ST7: variants seen among roughly 807,000 people sequenced by gnomAD.
ST7 encodes the protein suppressor of tumorigenicity 7 protein.
In ST7, 28 loss-of-function variants were observed where a neutral mutation model predicts 78.7. The observed-to-expected ratio is 0.36, with a 90% CI of 0.26 to 0.49. ST7 has a LOEUF of 0.49. Among genes scored for constraint, ST7 ranks in the 20% least tolerant of loss-of-function variants. The pLI, the probability that ST7 is intolerant of heterozygous loss-of-function variation, is 0.99. For synonymous variants in ST7, 247 were observed against 249.6 expected, an observed-to-expected ratio of 0.99 and a Z score of 0.10; for missense variants, 418 against 696.0, an observed-to-expected ratio of 0.60 and a Z score of 4.49.
chr7:117,186,484 A>T (rs1809273478), intron 10 of ST7, among the ~76,000 whole-genome samples: 1 of 152,214 alleles, frequency 6.6e-6, no homozygotes, highest in South Asian at 2.1e-4. Flanking sequence ...CAGTAACAAG[A>T]TCTCATCACA....
At chr7:117,147,007 G>C (rs1341272415) in intron 9 of ST7, among the ~76,000 whole-genome samples, 1 of 152,114 alleles carries the variant, frequency 6.6e-6, no homozygotes, top group African/African-American at 2.4e-5. Flanking sequence ...ATTGATTTCA[G>C]AGAAACTGTG....
intron 10 of ST7, among the ~76,000 whole-genome samples, chr7:117,180,825 AT>A (rs1428657086): frequency 6.6e-6 from 1 of 151,902 alleles, no homozygotes; most frequent in African/African-American, 2.4e-5. Flanking sequence ...AATTTTTTCT[AT>A]TTTTTGTAGA....
At chr7:117,005,192 A>T (rs1175139527) in intron 1 of ST7, among the ~76,000 whole-genome samples, 1 of 152,196 alleles carries the variant, frequency 6.6e-6, no homozygotes, top group African/African-American at 2.4e-5. Flanking sequence ...CAGAAGTGGA[A>T]TGTATTTGTC....
intron 1 of ST7, among the ~76,000 whole-genome samples, chr7:117,030,153 A>G (rs1001605923): frequency 2.0e-5 from 3 of 152,324 alleles, no homozygotes; most frequent in African/African-American, 7.2e-5. Flanking sequence ...ATTCATGAAC[A>G]TGGTATATTT....
intron 5 of ST7, 77 bp downstream of exon 5, chr7:117,130,683 C>G: frequency 9.7e-7 from 1 of 1,030,586 alleles, no homozygotes; most frequent in Non-Finnish European, 1.5e-6. Context: ...TTTAGAATAT[C>G]CACTCTGTAA....
intron 10 of ST7, among the ~76,000 whole-genome samples, chr7:117,175,578 G>A (rs1445464183): frequency 6.6e-6 from 1 of 152,204 alleles, no homozygotes; most frequent in Admixed American, 6.5e-5. Flanking sequence ...TCAGGTCCCA[G>A]CTCTGCCTTT....
intron 9 of ST7, among the ~76,000 whole-genome samples, chr7:117,139,688 C>G (rs912457569): frequency 1.1e-4 from 17 of 152,182 alleles, no homozygotes; most frequent in African/African-American, 4.1e-4. Context: ...TAAAGTATTT[C>G]TCTTTGACTG....
At chr7:117,055,929 A>G (rs1226261861) in intron 1 of ST7, among the ~76,000 whole-genome samples, 1 of 152,182 alleles carries the variant, frequency 6.6e-6, no homozygotes, top group Non-Finnish European at 1.5e-5. Context: ...TTGAGCAAGA[A>G]CAGCCAGTCT....
At chr7:116,999,836 A>T (rs2116438360) in intron 1 of ST7, among the ~76,000 whole-genome samples, 1 of 123,622 alleles carries the variant, frequency 8.1e-6, no homozygotes, top group Non-Finnish European at 1.6e-5. Context: ...TTTGAGACAG[A>T]GTCTCGCTGT....
At chr7:116,966,029 A>G (rs1585053972) in intron 1 of ST7, 1 of 440,850 alleles carries the variant, frequency 2.3e-6, no homozygotes, top group East Asian at 7.0e-5. Flanking sequence ...CCACCTGGCC[A>G]TTGGTTCATA....
At chr7:117,052,089 TC>T (rs570380981) in intron 1 of ST7, among the ~76,000 whole-genome samples, 3 of 152,172 alleles carry the variant, frequency 2.0e-5, no homozygotes, top group Non-Finnish European at 4.4e-5. Context: ...AGCGTTAGTG[TC>T]CAAGGCCTTG....
chr7:117,196,974 G>T (rs1455835255), intron 12 of ST7, among the ~76,000 whole-genome samples: 2 of 152,064 alleles, frequency 1.3e-5, no homozygotes, highest in Non-Finnish European at 2.9e-5. Flanking sequence ...TATGGTGTAA[G>T]ATAAGAGTTC....
At chr7:116,990,211 C>T (rs545916480) in intron 1 of ST7, among the ~76,000 whole-genome samples, 2 of 152,326 alleles carry the variant, frequency 1.3e-5, no homozygotes, top group South Asian at 4.1e-4. Flanking sequence ...GCTGAGATTA[C>T]AGGTGTGAGC....
chr7:117,075,573 T>G (rs1006694425), intron 1 of ST7, among the ~76,000 whole-genome samples: 2 of 152,344 alleles, frequency 1.3e-5, no homozygotes, highest in African/African-American at 4.8e-5. Flanking sequence ...TGTGTTTGTT[T>G]GCTCTCCTCC....
chr7:117,150,748 AGAT>A, intron 9 of ST7, among the ~76,000 whole-genome samples: 1 of 152,230 alleles, frequency 6.6e-6, no homozygotes. Flanking sequence ...GTTGAACTCC[AGAT>A]TTATATTCAT....
At chr7:117,210,055 A>T in intron 13 of ST7, 118 bp downstream of exon 13, 1 of 1,237,740 alleles carries the variant, frequency 8.1e-7, no homozygotes, top group African/African-American at 1.5e-5. Flanking sequence ...GTGTTCTGTG[A>T]TGGCCCATCT....
intron 1 of ST7, among the ~76,000 whole-genome samples, chr7:117,045,673 C>G (rs1375140832): frequency 1.3e-5 from 2 of 152,200 alleles, no homozygotes; most frequent in Admixed American, 6.5e-5. Context: ...GCCTCCCATT[C>G]CCAAATGAAA....
chr7:117,126,000 G>C (rs1803805845), intron 3 of ST7, among the ~76,000 whole-genome samples: 1 of 151,944 alleles, frequency 6.6e-6, no homozygotes. Flanking sequence ...TGTAAAAAGG[G>C]TGTAATATAT....
At chr7:116,967,437 G>A (rs1224987862) in intron 1 of ST7, 1 of 470,976 alleles carries the variant, frequency 2.1e-6, no homozygotes, top group Admixed American at 2.3e-5. Flanking sequence ...AGTGAATTTG[G>A]TCAGGCAGCT....
Sources: gnomAD v4.1 joint callset for allele counts (sites outside exome capture counted in the v4.1 genomes callset) on GRCh38, gnomAD v4.1.1 for gene constraint, MANE v1.5 for transcripts, NCBI Gene and HGNC (gene_info 2026-07-23, HGNC 2026-07-21) for gene names.